Variants in HPCAL1 observed in about 807,000 individuals in gnomAD.
HPCAL1 encodes hippocalcin-like protein 1.
HPCAL1 carries 8 observed loss-of-function variants against 17.1 expected under a neutral mutation model. The ratio of observed to expected loss-of-function variants is 0.47; its 90% CI spans 0.27 to 0.84. HPCAL1 has a LOEUF of 0.84. HPCAL1 is among the 40% of genes least tolerant of loss of function. The probability of loss-of-function intolerance (pLI) is 0.13; values close to 1 mark genes in which losing one functional copy is unlikely to be tolerated. For missense variants in HPCAL1, 165 were observed against 271.1 expected (o/e 0.61, Z 2.75); for synonymous variants, 112 against 111.4 (o/e 1.01, Z -0.03).
intron 1 of HPCAL1, among the ~76,000 whole-genome samples, chr2:10,329,262 C>T (rs970394056): frequency 3.9e-5 from 6 of 152,304 alleles, no homozygotes; most frequent in Admixed American, 2.6e-4. Context: ...CTGGGACCTG[C>T]GGATATGTTG....
chr2:10,419,749 C>T lies in HPCAL1; in HGVS notation c.-9C>T. On this transcript the variant is annotated 5_prime_UTR_variant, in exon 3 of 5. Transcript: ENST00000307845. This position sits in a 1 kb window ranked among gnomAD's most constrained non-coding sequence, Gnocchi z 5.0. ...TGTCTTGCAGGTGTAGTCGCCGCCGCCAGCCGCCATGGGCAAACAGAACAG... is the reference window on the plus strand; with the variant it reads ...TGTCTTGCAGGTGTAGTCGCCGCCGTCAGCCGCCATGGGCAAACAGAACAG... 1 of 1,603,710 alleles carries T rather than the reference C, an allele frequency of 6.2e-7. No individual in the cohort carries two copies. Among genetic ancestry groups the T allele is most frequent in the South Asian group, 1.1e-5 (1 of 90,116 alleles).
At chr2:10,408,979 G>T (rs1396291618) in intron 2 of HPCAL1, among the ~76,000 whole-genome samples, 1 of 152,132 alleles carries the variant, frequency 6.6e-6, no homozygotes, top group East Asian at 1.9e-4. Context: ...TAAAAAAGAT[G>T]AAATTTAAAA....
intron 2 of HPCAL1, among the ~76,000 whole-genome samples, chr2:10,410,436 C>CTTCTT (rs1553360281): frequency 1.3e-5 from 1 of 77,526 alleles, no homozygotes; most frequent in Non-Finnish European, 2.3e-5. Context: ...TCTTCTTCTT[C>CTTCTT]TTTTTTTTTT....
At chr2:10,404,415 T>C (rs1669847430) in intron 2 of HPCAL1, among the ~76,000 whole-genome samples, 1 of 152,228 alleles carries the variant, frequency 6.6e-6, no homozygotes, top group African/African-American at 2.4e-5. Flanking sequence ...CCCAGCGCTC[T>C]GGGTAAGTCT....
At chr2:10,351,523 T>C (rs55665601) in intron 1 of HPCAL1, among the ~76,000 whole-genome samples, 54,989 of 151,716 alleles carry the variant, frequency 0.36, 10,366 homozygotes, top group South Asian at 0.6. Flanking sequence ...TTTGGGAGGC[T>C]GAGTCAGGAG....
intron 1 of HPCAL1, among the ~76,000 whole-genome samples, chr2:10,345,592 G>A (rs755177172): frequency 1.9e-4 from 29 of 151,914 alleles, no homozygotes; most frequent in Non-Finnish European, 3.5e-4. Context: ...AAGAAGCTGG[G>A]ACTACAGGTG....
In HPCAL1 at chr2:10,396,892, A is replaced by C. The variant is rs2270302; in HGVS notation, c.-53A>C. On this transcript the variant is annotated 5_prime_UTR_variant, in exon 2 of 5. Coordinates refer to ENST00000307845, the MANE Select transcript of HPCAL1 (RefSeq NM_002149.4). Reference sequence around the variant, plus strand: ...AAACACTCCCTGGAGGTTCTGACCCACTCCCTCTCAGCCTCCGCCTGGTCT... The same window carrying C: ...AAACACTCCCTGGAGGTTCTGACCCCCTCCCTCTCAGCCTCCGCCTGGTCT... The C allele has an allele frequency of 6.6e-6, 1 of 151,686 alleles. No individual in the cohort carries two copies. The highest frequency in any genetic ancestry group is 2.1e-4 in the South Asian group (1 of 4,820). 9.4% of individuals were successfully genotyped at this position (151,686 alleles called of 1,614,324 possible). A position where few individuals can be genotyped will look rare whatever the true frequency, so the allele number is the denominator to read the frequency against.
rs372065748 is a variant in HPCAL1 at position 10,415,546 on chromosome 2, C to T, written c.-24-4188C>T. 3.7e-4 allele frequency among the ~76,000 whole-genome samples: 57 copies of T among 152,326 alleles called. 3 individuals carry two copies. The East Asian group carries it at 6.2e-3, about 17-fold the overall frequency. On this transcript the variant is annotated intron_variant, in intron 2 of 4. Transcript: ENST00000307845. ...CACCCCCGTGCTCCCCGTGTGGTGT[C>T]GGCCCCCGAGGCAAGGACCGTATGG... is the stretch of plus-strand genomic sequence containing the variant.
chr2:10,377,417 G>T lies in HPCAL1; in HGVS notation c.-110-19418G>T, dbSNP rs1361729525. On this transcript the variant is annotated intron_variant, in intron 1 of 4. Transcript: ENST00000307845. The surrounding 1 kb of genome is among the most constrained non-coding windows in gnomAD (Gnocchi z 5.9). Reference sequence around the variant, plus strand: ...ATTCTGCCGGCTGCTCAACTCTGTGGACACCAGTACAGTCAACAACTCTCA... The same window carrying T: ...ATTCTGCCGGCTGCTCAACTCTGTGTACACCAGTACAGTCAACAACTCTCA... Among the ~76,000 whole-genome samples the T allele has an allele frequency of 6.6e-6, 1 of 152,210 alleles. No homozygotes were observed. The highest frequency in any genetic ancestry group is 2.4e-5 in the African/African-American group (1 of 41,460).
In HPCAL1 at chr2:10,358,957, C is replaced by T. The variant is rs114363499; in HGVS notation, c.-110-37878C>T. Among the ~76,000 whole-genome samples, 525 of 152,210 alleles carry T rather than the reference C, an allele frequency of 3.4e-3. 9 individuals carry two copies. Among genetic ancestry groups the T allele is most frequent in the African/African-American group, 0.012 (504 of 41,508 alleles). On this transcript the variant is annotated intron_variant, in intron 1 of 4. Coordinates refer to ENST00000307845, the MANE Select transcript of HPCAL1 (RefSeq NM_002149.4). ...GCACCCTGAATGCCCACCGGGGCTT[C>T]AGCTGTAAACATTCACTCCTAGACA...
At chr2:10,335,417 A>G (rs139063687) in intron 1 of HPCAL1, among the ~76,000 whole-genome samples, 225 of 152,268 alleles carry the variant, frequency 1.5e-3, no homozygotes, top group Non-Finnish European at 2.6e-3. Context: ...GCAGATCTCC[A>G]TCCGCTCCCC....
At chr2:10,339,494 G>A (rs557550040) in intron 1 of HPCAL1, among the ~76,000 whole-genome samples, 3 of 152,176 alleles carry the variant, frequency 2.0e-5, no homozygotes, top group Admixed American at 1.3e-4. Context: ...TAGTAGAGAC[G>A]GGATTTCATG....
intron 2 of HPCAL1, among the ~76,000 whole-genome samples, chr2:10,403,725 C>T (rs1189095936): frequency 6.6e-5 from 10 of 151,956 alleles, no homozygotes; most frequent in African/African-American, 2.4e-4. Context: ...TCAGGTGATC[C>T]GCCCACCTCA....
rs1553353473 is a variant in HPCAL1 at position 10,384,029 on chromosome 2, C to CACCCA, written c.-110-12806_-110-12805insACCCA. Among the ~76,000 whole-genome samples the CACCCA allele has an allele frequency of 1.1e-4, 16 of 149,974 alleles. No homozygotes were observed. The highest frequency in any genetic ancestry group is 1.5e-4 in the Non-Finnish European group (10 of 67,342). On this transcript the variant is annotated intron_variant, in intron 1 of 4. Transcript: ENST00000307845. The surrounding 1 kb of genome is among the most constrained non-coding windows in gnomAD (Gnocchi z 4.4). ...ATATACATCGCGTACACACACACAC[C>CACCCA]CACACACACACACACCTTTTGCTGG...
intron 1 of HPCAL1, among the ~76,000 whole-genome samples, chr2:10,328,812 C>G (rs554752151): frequency 1.3e-5 from 2 of 152,204 alleles, no homozygotes; most frequent in African/African-American, 4.8e-5. Context: ...ACTTCCCCAT[C>G]TGAACTTTCT....
chr2:10,381,128 G>A (rs1467568758), intron 1 of HPCAL1, among the ~76,000 whole-genome samples: 5 of 152,226 alleles, frequency 3.3e-5, no homozygotes, highest in African/African-American at 1.2e-4. Context: ...GCCCCAGGAT[G>A]CCTGATGGCC....
At chr2:10,317,290 A>G (rs1020446857) in intron 1 of HPCAL1, among the ~76,000 whole-genome samples, 1 of 152,212 alleles carries the variant, frequency 6.6e-6, no homozygotes, top group African/African-American at 2.4e-5. Context: ...TTTTCCTATC[A>G]GAAGCACTTC....
At chr2:10,425,653 G>A in intron 4 of HPCAL1, 1 of 152,462 alleles carries the variant, frequency 6.6e-6, no homozygotes, top group Non-Finnish European at 1.5e-5. Flanking sequence ...TGGAAACGTT[G>A]GTGGCTTGCC....
chr2:10,388,196 A>T (rs1235595800), intron 1 of HPCAL1, among the ~76,000 whole-genome samples: 2 of 152,096 alleles, frequency 1.3e-5, no homozygotes, highest in Non-Finnish European at 2.9e-5. Context: ...TTGGGAGCGG[A>T]TTTATTGTTC....
Sources: allele counts gnomAD v4.1 joint callset (sites outside exome capture counted in the v4.1 genomes callset), GRCh38; gene constraint gnomAD v4.1.1; non-coding constraint Gnocchi (gnomAD v3.1); transcripts MANE v1.5; gene names NCBI Gene and HGNC (gene_info 2026-07-23, HGNC 2026-07-21).